FAM151B: variants seen among roughly 807,000 people sequenced by gnomAD.
FAM151B encodes the protein family with sequence similarity 151 member B, also known as protein FAM151B.
A neutral mutation model predicts 31.2 loss-of-function variants in FAM151B; 24 were observed. That is an observed-to-expected ratio of 0.77 (90% CI 0.56 to 1.08). The LOEUF is 1.08. FAM151B is among the 50% of genes least tolerant of loss of function. FAM151B has a pLI of 0.00. For synonymous variants in FAM151B, 105 were observed against 111.4 expected (o/e 0.94, Z 0.36); for missense variants, 293 against 328.6 (o/e 0.89, Z 0.84).
rs528028438 is a variant in FAM151B at position 80,492,896 on chromosome 5, G to C, written c.25+4748G>C. Reference sequence around the variant, plus strand: ...TTGAGCCCATGAGTTTCAGATTATAGTGAGCTATGATTGCACCACTACACA... The same window carrying C: ...TTGAGCCCATGAGTTTCAGATTATACTGAGCTATGATTGCACCACTACACA... On this transcript the variant is annotated intron_variant, in intron 1 of 5. Coordinates refer to ENST00000282226, the MANE Select transcript of FAM151B (RefSeq NM_205548.3). Among the ~76,000 whole-genome samples, 5 of 152,312 alleles carry C rather than the reference G, an allele frequency of 3.3e-5. No individual in the cohort carries two copies. The East Asian group carries it at 9.6e-4, about 29-fold the overall frequency.
chr5:80,538,773 AT>A (rs1745725106), intron 5 of FAM151B, among the ~76,000 whole-genome samples: 1 of 151,076 alleles, frequency 6.6e-6, no homozygotes, highest in African/African-American at 2.4e-5. Context: ...ATTTTTTTTT[AT>A]CTTTAGTGGA....
intron 2 of FAM151B, among the ~76,000 whole-genome samples, chr5:80,510,227 T>A (rs974744336): frequency 6.6e-6 from 1 of 152,194 alleles, no homozygotes. Context: ...TGTAGCTGCA[T>A]TCAGCTGGGT....
chr5:80,498,179 G>A (rs1396177807), intron 1 of FAM151B, among the ~76,000 whole-genome samples: 1 of 152,088 alleles, frequency 6.6e-6, no homozygotes. Context: ...CTTCTAAAAT[G>A]GCTACCTTAA....
intron 2 of FAM151B, among the ~76,000 whole-genome samples, chr5:80,503,838 G>A (rs1287837560): frequency 1.3e-5 from 2 of 152,036 alleles, no homozygotes; most frequent in Middle Eastern, 3.2e-3. Context: ...GTGAGGCAAC[G>A]TATGCCTTGA....
chr5:80,519,409 A>C (rs1448747227), intron 3 of FAM151B, among the ~76,000 whole-genome samples: 2 of 152,220 alleles, frequency 1.3e-5, no homozygotes, highest in Non-Finnish European at 2.9e-5. Flanking sequence ...AGTGATCCTA[A>C]TATGGAGTTT....
At chr5:80,495,605 C>T (rs566466776) in intron 1 of FAM151B, among the ~76,000 whole-genome samples, 126 of 152,034 alleles carry the variant, frequency 8.3e-4, no homozygotes, top group African/African-American at 2.7e-3. Flanking sequence ...CTGAGGCAGG[C>T]GGATCATGAG....
At chr5:80,526,280 C>A (rs1416634924) in intron 5 of FAM151B, among the ~76,000 whole-genome samples, 2 of 151,882 alleles carry the variant, frequency 1.3e-5, no homozygotes, top group Non-Finnish European at 2.9e-5. Context: ...ATATTGTGTC[C>A]AAATCTATAT....
intron 1 of FAM151B, chr5:80,500,732 T>C (rs1356505004): frequency 1.1e-6 from 1 of 890,300 alleles, no homozygotes; most frequent in African/African-American, 1.6e-5. Flanking sequence ...ATGCTGAGGA[T>C]TGTAGAGCCA....
chr5:80,538,031 A>G (rs1200475936), intron 5 of FAM151B, among the ~76,000 whole-genome samples: 1 of 151,290 alleles, frequency 6.6e-6, no homozygotes, highest in Non-Finnish European at 1.5e-5. Context: ...TAAATATAGC[A>G]TCTAATTTCC....
At chr5:80,498,639 C>T (rs989110625) in intron 1 of FAM151B, 19 of 731,714 alleles carry the variant, frequency 2.6e-5, no homozygotes, top group Non-Finnish European at 4.4e-5. Flanking sequence ...ATGGCACTCT[C>T]GACAAAGGTG....
intron 5 of FAM151B, among the ~76,000 whole-genome samples, chr5:80,539,378 T>TA (rs1745765978): frequency 6.6e-6 from 1 of 152,100 alleles, no homozygotes; most frequent in South Asian, 2.1e-4. Flanking sequence ...TGATTTTTTT[T>TA]AACCTCAATT....
intron 3 of FAM151B, 46 bp from the exon 4 acceptor site, chr5:80,519,647 C>T: frequency 2.0e-6 from 3 of 1,531,842 alleles, no homozygotes; most frequent in South Asian, 1.2e-5. Context: ...CTTCTTTTTA[C>T]TTTACCTAAA....
intron 3 of FAM151B, among the ~76,000 whole-genome samples, chr5:80,515,620 C>T (rs573035262): frequency 2.2e-4 from 33 of 152,256 alleles, no homozygotes; most frequent in African/African-American, 7.2e-5. Context: ...AGCACAAAAG[C>T]GCTGAGCCTC....
In FAM151B at chr5:80,512,142, TGAA is replaced by T. The variant is rs374422598; in HGVS notation, c.152-1459_152-1457del. Among the ~76,000 whole-genome samples the T allele has an allele frequency of 7.2e-3, 1,099 of 152,264 alleles. 10 individuals carry two copies. The highest frequency in any genetic ancestry group is 0.025 in the African/African-American group (1,024 of 41,552). Reference sequence around the variant, plus strand: ...AAAACGTTGAAACTTTCACAGGAAATGAAGAGATATCCATTTGTACATCTGCAT... The same window carrying T: ...AAAACGTTGAAACTTTCACAGGAAATGAGATATCCATTTGTACATCTGCAT... On this transcript the variant is annotated intron_variant, in intron 2 of 5. Transcript: ENST00000282226.
chr5:80,533,028 G>A (rs1159074897), intron 5 of FAM151B, among the ~76,000 whole-genome samples: 1 of 152,152 alleles, frequency 6.6e-6, no homozygotes, highest in Non-Finnish European at 1.5e-5. Flanking sequence ...ATAGCTATAA[G>A]TGCCTACATC....
chr5:80,488,490 A>G (rs1278908237), intron 1 of FAM151B, among the ~76,000 whole-genome samples: 1 of 152,218 alleles, frequency 6.6e-6, no homozygotes, highest in Non-Finnish European at 1.5e-5. Flanking sequence ...GGTCTGGGTC[A>G]GTAGGTTCCT....
intron 5 of FAM151B, among the ~76,000 whole-genome samples, chr5:80,534,796 T>G (rs931887204): frequency 6.6e-6 from 1 of 152,084 alleles, no homozygotes; most frequent in Non-Finnish European, 1.5e-5. Context: ...GACATCCAAA[T>G]TGGAAAGGAA....
At chr5:80,530,111 A>G (rs1745165618) in intron 5 of FAM151B, among the ~76,000 whole-genome samples, 1 of 152,246 alleles carries the variant, frequency 6.6e-6, no homozygotes. Flanking sequence ...AATCCAGCAT[A>G]TAAACAGAAC....
chr5:80,492,253 A>G (rs1205548996), intron 1 of FAM151B, among the ~76,000 whole-genome samples: 1 of 151,816 alleles, frequency 6.6e-6, no homozygotes, highest in Non-Finnish European at 1.5e-5. Flanking sequence ...TTTCAATAGC[A>G]TGTGTTCACT....
Sources: gnomAD v4.1 joint callset for allele counts (sites outside exome capture counted in the v4.1 genomes callset) on GRCh38, gnomAD v4.1.1 for gene constraint, MANE v1.5 for transcripts, NCBI Gene and HGNC (gene_info 2026-07-23, HGNC 2026-07-21) for gene names.